Variants in CTBS observed in about 807,000 individuals in gnomAD.
CTBS encodes the protein di-N-acetylchitobiase.
Under a neutral mutation model 44.3 loss-of-function variants are expected in CTBS, and 35 were observed. The ratio of observed to expected loss-of-function variants is 0.79; its 90% CI spans 0.60 to 1.05. The LOEUF is 1.05. Among genes scored for constraint, CTBS ranks in the 50% least tolerant of loss-of-function variants. The pLI, the probability that CTBS is intolerant of heterozygous loss-of-function variation, is 0.00. For synonymous variants in CTBS, 143 were observed against 168.0 expected (o/e 0.85, Z 1.15); for missense variants, 458 against 475.3 (o/e 0.96, Z 0.34).
intron 6 of CTBS, among the ~76,000 whole-genome samples, chr1:84,561,740 GAC>G (rs1684598698): frequency 6.6e-6 from 1 of 152,188 alleles, no homozygotes; most frequent in Admixed American, 6.5e-5. Flanking sequence ...GACAAGGCAA[GAC>G]ACTCTTCCAG....
chr1:84,563,977 TCC>T, intron 4 of CTBS, 145 bp from the exon 5 acceptor site: 1 of 892,212 alleles, frequency 1.1e-6, no homozygotes, highest in Non-Finnish European at 1.5e-6. Context: ...TTATAAAACA[TCC>T]CTTAAGAACC....
intron 6 of CTBS, among the ~76,000 whole-genome samples, chr1:84,561,032 T>G (rs1570469944): frequency 6.6e-6 from 1 of 152,226 alleles, no homozygotes; most frequent in East Asian, 1.9e-4. Context: ...AATTTCAACT[T>G]TTAACTCTTA....
chr1:84,558,685 G>A (rs1287393990), intron 6 of CTBS, among the ~76,000 whole-genome samples: 16 of 151,600 alleles, frequency 1.1e-4, no homozygotes, highest in African/African-American at 3.6e-4. Flanking sequence ...AGAATCACTT[G>A]AGGCCAGGAG....
intron 3 of CTBS, among the ~76,000 whole-genome samples, chr1:84,569,566 G>A (rs1289102296): frequency 6.6e-6 from 1 of 152,314 alleles, no homozygotes; most frequent in African/African-American, 2.4e-5. Context: ...AGACTGTAGA[G>A]CAAGTGATAC....
chr1:84,564,165 A>C (rs1443444677), intron 4 of CTBS, among the ~76,000 whole-genome samples: 3 of 152,218 alleles, frequency 2.0e-5, no homozygotes, highest in Non-Finnish European at 4.4e-5. Flanking sequence ...TATACTTGAT[A>C]CTCTAGATTC....
chr1:84,569,346 T>C (rs1370785712), intron 3 of CTBS, among the ~76,000 whole-genome samples: 1 of 152,218 alleles, frequency 6.6e-6, no homozygotes, highest in Admixed American at 6.5e-5. Flanking sequence ...GTTATCTTGA[T>C]ATGTGGCCAA....
intron 6 of CTBS, among the ~76,000 whole-genome samples, chr1:84,561,159 T>G (rs1305310454): frequency 6.6e-6 from 1 of 152,170 alleles, no homozygotes; most frequent in Non-Finnish European, 1.5e-5. Flanking sequence ...CTAGATGCCA[T>G]TAAGAACATT....
Position 84,569,917 on chromosome 1 carries a change from A to G in CTBS, c.525+14T>C. 1 of 1,604,872 alleles carries G rather than the reference A, an allele frequency of 6.2e-7. No individual in the cohort carries two copies. Among genetic ancestry groups the G allele is most frequent in the Non-Finnish European group, 8.5e-7 (1 of 1,175,966 alleles). On this transcript the variant is annotated intron_variant, in intron 3 of 6. Transcript: ENST00000370630. ...GGAAAATATGAGGTTTCCAAAAAAT[A>G]AATGAGTTTTTACCTGTGATCCCTC...
In CTBS at chr1:84,563,345, G is replaced by A. The variant is rs1684629670; in HGVS notation, c.869C>T (p.Pro290Leu). Reference sequence around the variant, plus strand: ...TATTTGCTTCATGATCGTTTTGTAGGGCACCTGACGTCCTGCAGCGTCACT... The same window carrying A: ...TATTTGCTTCATGATCGTTTTGTAGAGCACCTGACGTCCTGCAGCGTCACT... ...PCSDAAGRQVPYKTIMKQINS... is the reference protein window; with the variant it reads ...PCSDAAGRQVLYKTIMKQINS... Residue 290 changes from proline (P) to leucine (L), a missense_variant, in exon 6 of 7, where the codon CCC becomes CTC. By Grantham distance (98) the Pro-to-Leu change is moderately conservative. Coordinates refer to ENST00000370630, the MANE Select transcript of CTBS (RefSeq NM_004388.3). The A allele has an allele frequency of 1.3e-6, 2 of 1,597,726 alleles. No individual in the cohort carries two copies. The highest frequency in any genetic ancestry group is 1.4e-5 in the African/African-American group (1 of 73,822).
chr1:84,562,883 G>C (rs1367567622), intron 6 of CTBS, among the ~76,000 whole-genome samples: 1 of 151,978 alleles, frequency 6.6e-6, no homozygotes, highest in Non-Finnish European at 1.5e-5. Flanking sequence ...AGAATCTGTA[G>C]GCCACTTTGA....
rs192224661 is a variant in CTBS at position 84,566,887 on chromosome 1, A to G, written c.526-875T>C. Among the ~76,000 whole-genome samples, 29 of 152,268 alleles carry G rather than the reference A, an allele frequency of 1.9e-4. No homozygotes were observed. In the East Asian group the frequency reaches 3.1e-3, roughly 16 times the overall value. On this transcript the variant is annotated intron_variant, in intron 3 of 6. Coordinates refer to ENST00000370630, the MANE Select transcript of CTBS (RefSeq NM_004388.3). ...TGACCTCAGCTGATCTGCCGATCTC[A>G]GCCTCCCAAAGTGCTTACAGGCGTG...
intron 6 of CTBS, among the ~76,000 whole-genome samples, chr1:84,557,535 AAAAAAAAAAAAAAAAAAAG>A (rs1302219140): frequency 2.5e-5 from 2 of 79,718 alleles, no homozygotes; most frequent in South Asian, 5.3e-4. Context: ...CTCCATCTCA[AAAAAAAAAAAAAAAAAAAG>A]AAAAAAAAAA....
intron 1 of CTBS, 37 bp downstream of exon 1, chr1:84,574,202 G>T: frequency 6.3e-7 from 1 of 1,592,542 alleles, no homozygotes; most frequent in East Asian, 2.3e-5. Flanking sequence ...TTCGTGCCCT[G>T]AAGCCCAGAC....
intron 5 of CTBS, 49 bp from the exon 6 acceptor site, chr1:84,563,467 T>G: frequency 1.5e-6 from 2 of 1,331,416 alleles, no homozygotes; most frequent in Non-Finnish European, 2.0e-6. Flanking sequence ...TATGCAATTC[T>G]TAAAAGCCAA....
At position 84,551,192 on chromosome 1, in the gene CTBS, C is replaced by T. The variant is rs969003643; in HGVS notation, c.*3807G>A. Reference sequence around the variant, plus strand: ...AAACAGAAGATTATACATTTTCATACAAGTACCCACAGCAAGGCAGGAAAA... The same window carrying T: ...AAACAGAAGATTATACATTTTCATATAAGTACCCACAGCAAGGCAGGAAAA... On this transcript the variant is annotated 3_prime_UTR_variant, in exon 7 of 7. Transcript: ENST00000370630. 2 of 985,146 alleles carry T rather than the reference C, an allele frequency of 2.0e-6. No individual in the cohort carries two copies. The highest frequency in any genetic ancestry group is 1.2e-6 in the Non-Finnish European group (1 of 829,818). 61.0% of individuals were successfully genotyped at this position (985,146 alleles called of 1,614,324 possible). A position where few individuals can be genotyped will look rare whatever the true frequency, so the allele number is the denominator to read the frequency against.
Position 84,563,315 on chromosome 1 carries a change from C to G in CTBS, c.899G>C (p.Ser300Thr), listed in dbSNP as rs376746415. 9 of 1,596,618 alleles carry G rather than the reference C, an allele frequency of 5.6e-6. No individual in the cohort carries two copies. The African/African-American group carries it at 9.5e-5, about 17-fold the overall frequency. ...PYKTIMKQIN[S>T]SISGNLWDKD... ...ATCCCATAGGTTTCCAGAAATAGAACTATTTATTTGCTTCATGATCGTTTT... is the reference window on the plus strand; with the variant it reads ...ATCCCATAGGTTTCCAGAAATAGAAGTATTTATTTGCTTCATGATCGTTTT... Residue 300 changes from serine to threonine, a missense_variant, in exon 6 of 7, where the codon AGT (serine) becomes ACT (threonine). By Grantham distance (58) the Ser-to-Thr change is moderately conservative. Transcript: ENST00000370630.
chr1:84,565,223 A>C (rs530499650), intron 4 of CTBS, among the ~76,000 whole-genome samples: 7 of 152,166 alleles, frequency 4.6e-5, no homozygotes, highest in African/African-American at 1.7e-4. Context: ...AAAAAAAAAA[A>C]CAAAAGAACA....
intron 1 of CTBS, chr1:84,573,934 C>T: frequency 1.1e-5 from 14 of 1,288,058 alleles, no homozygotes; most frequent in Non-Finnish European, 1.4e-5. Flanking sequence ...CTTTTTACAC[C>T]CAGAGTGCTT....
chr1:84,550,423 T>C lies in CTBS; in HGVS notation c.*4576A>G, dbSNP rs779967764. 4 of 1,437,452 alleles carry C rather than the reference T, an allele frequency of 2.8e-6. No individual in the cohort carries two copies. The highest frequency in any genetic ancestry group is 3.8e-6 in the Non-Finnish European group (4 of 1,065,142). 89.0% of individuals were successfully genotyped at this position (1,437,452 alleles called of 1,614,324 possible). A position where few individuals can be genotyped will look rare whatever the true frequency, so the allele number is the denominator to read the frequency against. ...GTTATACTAAATAAATATCTATCTATCCACACAGAATTACCTAATAATCCA... is the reference window on the plus strand; with the variant it reads ...GTTATACTAAATAAATATCTATCTACCCACACAGAATTACCTAATAATCCA... On this transcript the variant is annotated 3_prime_UTR_variant, in exon 7 of 7. Transcript: ENST00000370630.
Sources: allele counts gnomAD v4.1 joint callset (sites outside exome capture counted in the v4.1 genomes callset), GRCh38; gene constraint gnomAD v4.1.1; transcripts MANE v1.5; gene names NCBI Gene and HGNC (gene_info 2026-07-23, HGNC 2026-07-21).